The following LZTR1 variants were observed in gnomAD, a reference collection of about 807,000 sequenced individuals.
LZTR1 encodes leucine zipper like post translational regulator 1.
LZTR1 carries 260 observed loss-of-function variants against 105.7 expected under a neutral mutation model. That is an observed-to-expected ratio of 2.46 (90% CI 2.22 to 2.72). The LOEUF (loss-of-function observed/expected upper bound fraction) is 2.72, where lower values mean the gene tolerates loss of function less well. LZTR1 is among the 30% of genes most tolerant of loss of function. The pLI is 0.00. For synonymous variants in LZTR1, 490 were observed against 476.4 expected (o/e 1.03, Z -0.37); for missense variants, 1,214 against 1,166.9 (o/e 1.04, Z -0.59).
intron 12 of LZTR1, 37 bp downstream of exon 12, chr22:20,993,791 T>C: frequency 6.3e-7 from 1 of 1,593,926 alleles, no homozygotes. Flanking sequence ...CTGCCTGCTG[T>C]GCCTGGGCAG....
At chr22:20,996,155 G>A (rs746255915) in intron 18 of LZTR1, 43 bp downstream of exon 18, 1 of 1,599,212 alleles carries the variant, frequency 6.3e-7, no homozygotes, top group Non-Finnish European at 8.5e-7. Flanking sequence ...CCACCAAGGG[G>A]TCCTGGCACC....
At chr22:20,996,489 A>AT (rs1397078635) in intron 18 of LZTR1, 1 of 596,604 alleles carries the variant, frequency 1.7e-6, no homozygotes, top group African/African-American at 1.9e-5. Context: ...AGCGCTACAG[A>AT]TGTACAGACA....
At chr22:20,994,812 C>T (rs956454233) in intron 15 of LZTR1, 58 bp from the exon 16 acceptor site, 11 of 1,609,126 alleles carry the variant, frequency 6.8e-6, no homozygotes, top group Non-Finnish European at 9.3e-6. Flanking sequence ...GTGAGCCCCT[C>T]GCCCAGCCTG....
intron 9 of LZTR1, 50 bp downstream of exon 9, chr22:20,991,879 C>G: frequency 6.7e-7 from 1 of 1,483,606 alleles, no homozygotes; most frequent in South Asian, 1.3e-5. Context: ...ACCAGTAGCT[C>G]CTACCCTGCT....
Position 20,993,722 on chromosome 22 carries a change from C to T in LZTR1, c.1321C>T (p.Gln441Ter). 1.2e-6 allele frequency: 2 copies of T among 1,613,544 alleles called. No individual in the cohort carries two copies. The highest frequency in any genetic ancestry group is 1.7e-6 in the Non-Finnish European group (2 of 1,179,964). ...EDYGRLWESR[Q>*]FCDVEFVLGE... ...CTACGGGCGGCTGTGGGAGAGCCGC[C>T]AGTTCTGCGACGTGGAGTTCGTGCT... The change falls in exon 12 of 21, where the codon CAG (glutamine) becomes TAG (stop). Residue 441 changes from glutamine to a stop codon, truncating the protein, a stop_gained. Transcript: ENST00000646124. LOFTEE classifies it high-confidence loss of function.
At chr22:20,990,246 G>A (rs754427725) in intron 7 of LZTR1, 140 bp from the exon 8 acceptor site, 92 of 979,996 alleles carry the variant, frequency 9.4e-5, no homozygotes, top group Admixed American at 2.0e-4. Context: ...GCTATGAGCT[G>A]TTCCAAGACA....
chr22:20,996,600 G>C (rs1275409214), intron 18 of LZTR1, 96 bp from the exon 19 acceptor site: 6 of 933,516 alleles, frequency 6.4e-6, no homozygotes, highest in Middle Eastern at 2.1e-4. Flanking sequence ...ATGCTGGCGT[G>C]GGGGCTTGGG....
rs773200225 is a variant in LZTR1 at position 20,992,917 on chromosome 22, T to C, written c.1260+13T>C. 14 of 1,555,124 alleles carry C rather than the reference T, an allele frequency of 9.0e-6. No homozygotes were observed. The highest frequency in any genetic ancestry group is 3.4e-4 in the Middle Eastern group (2 of 5,942). On this transcript the variant is annotated intron_variant, in intron 11 of 20. Transcript: ENST00000646124. ...GTACAGGTTCCAGGTGTGGGGCCTGTGGGCCTGTAGAGCCGGCTGGGTGGA... is the reference window on the plus strand; with the variant it reads ...GTACAGGTTCCAGGTGTGGGGCCTGCGGGCCTGTAGAGCCGGCTGGGTGGA...
At chr22:20,985,991 T>C in intron 3 of LZTR1, 94 bp downstream of exon 3, 2 of 1,338,096 alleles carry the variant, frequency 1.5e-6, no homozygotes, top group Admixed American at 1.8e-5. Flanking sequence ...TCTCTCATCA[T>C]GGGAAGCTAG....
chr22:20,995,983 G>T lies in LZTR1; in HGVS notation c.2090G>T (p.Arg697Leu), dbSNP rs370638947. The stretch of plus-strand genomic sequence containing the variant: ...TGCAGCTACTTTGAAGCCATGTTCC[G>T]GTCCTTCATGCCCGAAGATGGGCAG... ...ARSSYFEAMF[R>L]SFMPEDGQVN... Residue 697 changes from arginine to leucine, a missense_variant, in exon 18 of 21, where the codon CGG becomes CTG. Coordinates refer to ENST00000646124, the MANE Select transcript of LZTR1 (RefSeq NM_006767.4). The T allele has an allele frequency of 1.2e-6, 2 of 1,613,606 alleles. No individual in the cohort carries two copies. The highest frequency in any genetic ancestry group is 1.7e-5 in the Admixed American group (1 of 60,006).
chr22:20,997,870 G>C lies in LZTR1; in HGVS notation c.*522G>C, dbSNP rs1569158933. ...GGGCTCCTCTTCCCACCTGGAACTTGTGAGTGGGGACCCATGATGTATGGG... is the reference window on the plus strand; with the variant it reads ...GGGCTCCTCTTCCCACCTGGAACTTCTGAGTGGGGACCCATGATGTATGGG... On this transcript the variant is annotated 3_prime_UTR_variant, in exon 21 of 21. Transcript: ENST00000646124. The C allele has an allele frequency of 6.5e-6, 1 of 154,960 alleles. No individual in the cohort carries two copies. Among genetic ancestry groups the C allele is most frequent in the African/African-American group, 2.4e-5 (1 of 41,448 alleles). The allele number at this position is 154,960 out of a possible 1,614,324, so 9.6% of individuals were successfully genotyped here. A position where few individuals can be genotyped will look rare whatever the true frequency, so the allele number is the denominator to read the frequency against.
intron 20 of LZTR1, 79 bp from the exon 21 acceptor site, chr22:20,997,153 G>C: frequency 8.7e-7 from 1 of 1,147,880 alleles, no homozygotes; most frequent in South Asian, 1.2e-5. Context: ...GAGCAGGGTA[G>C]GCCCCACAGG....
In LZTR1 at chr22:20,992,854, G is replaced by A. The variant is rs1470449160; in HGVS notation, c.1210G>A (p.Gly404Arg). The part of the protein sequence containing the change: ...AVISDAMYIF[G>R]GTVDNNIRSG... ...CATCTCGGACGCCATGTACATCTTC[G>A]GGGGCACGGTGGACAACAACATCCG... is the stretch of plus-strand genomic sequence containing the variant. The change falls in exon 11 of 21, where the codon GGG (glycine) becomes AGG (arginine). Residue 404 changes from glycine to arginine, a missense_variant. By Grantham distance (125) the Gly-to-Arg change is moderately radical. Transcript: ENST00000646124. The A allele has an allele frequency of 6.8e-6, 11 of 1,610,146 alleles. No individual in the cohort carries two copies. The highest frequency in any genetic ancestry group is 1.3e-5 in the African/African-American group (1 of 74,884).
intron 13 of LZTR1, 24 bp from the exon 14 acceptor site, chr22:20,994,080 C>A: frequency 1.3e-6 from 2 of 1,576,174 alleles, no homozygotes; most frequent in African/African-American, 1.3e-5. Flanking sequence ...ACTGGGGTGT[C>A]CTTGAGCTCC....
At chr22:20,982,611 G>T (rs746992724) in intron 1 of LZTR1, 40 bp downstream of exon 1, 5 of 1,589,434 alleles carry the variant, frequency 3.1e-6, no homozygotes, top group Admixed American at 3.5e-5. Flanking sequence ...CAGGAAGGGC[G>T]ATCTGCGAGG....
chr22:20,992,754 C>T (rs772510252), intron 10 of LZTR1, 40 bp from the exon 11 acceptor site: 1 of 1,319,180 alleles, frequency 7.6e-7, no homozygotes, highest in Non-Finnish European at 1.1e-6. Context: ...TGTGGAGGCT[C>T]TGCTCCCCCA....
Position 20,994,194 on chromosome 22 carries a change from C to T in LZTR1, c.1540C>T (p.Arg514Trp), listed in dbSNP as rs779673877. ...GCCGCCCCTGCTGCACGTGGCCATC[C>T]GGGAGGCCGAGGCCCGGCCCTTCGA... ...ARPPLLHVAI[R>W]EAEARPFEVL... The change falls in exon 14 of 21, where the codon CGG becomes TGG. Residue 514 changes from arginine to tryptophan, a missense_variant. Coordinates refer to ENST00000646124, the MANE Select transcript of LZTR1 (RefSeq NM_006767.4). The T allele has an allele frequency of 1.9e-5, 30 of 1,603,232 alleles. No individual in the cohort carries two copies. The highest frequency in any genetic ancestry group is 6.7e-5 in the African/African-American group (5 of 74,860).
At chr22:20,988,555 G>A (rs114061234) in intron 5 of LZTR1, among the ~76,000 whole-genome samples, 1 of 152,214 alleles carries the variant, frequency 6.6e-6, no homozygotes, top group South Asian at 2.1e-4. Flanking sequence ...TATTTTGGGG[G>A]CACCTAGGAG....
In LZTR1 at chr22:20,994,898, AGTC is replaced by A; in HGVS notation, c.1815_1817del (p.Glu605_Ser606delinsAsp). 1 of 1,613,366 alleles carries A rather than the reference AGTC, an allele frequency of 6.2e-7. No individual in the cohort carries two copies. Among genetic ancestry groups the A allele is most frequent in the Non-Finnish European group, 8.5e-7 (1 of 1,179,984 alleles). On this transcript the variant is annotated inframe_deletion, in exon 16 of 21. Coordinates refer to ENST00000646124, the MANE Select transcript of LZTR1 (RefSeq NM_006767.4). The stretch of plus-strand genomic sequence containing the variant: ...CACTGCCTGAACTTCGTGGTAAAGG[AGTC>A]CCACTTCAACCAGGTGATCATGATG...
Sources: gnomAD v4.1 joint callset for allele counts (sites outside exome capture counted in the v4.1 genomes callset) on GRCh38, gnomAD v4.1.1 for gene constraint, MANE v1.5 for transcripts, NCBI Gene and HGNC (gene_info 2026-07-23, HGNC 2026-07-21) for gene names.